USP32: variants seen among roughly 807,000 people sequenced by gnomAD.
USP32 encodes ubiquitin specific peptidase 32.
USP32 carries 59 observed loss-of-function variants against 204.8 expected under a neutral mutation model. The observed-to-expected ratio is 0.29, with a 90% CI of 0.23 to 0.36. The LOEUF is 0.36. USP32 is among the 10% of genes least tolerant of loss of function. The pLI, the probability that USP32 is intolerant of heterozygous loss-of-function variation, is 1.00. For synonymous variants in USP32, 517 were observed against 678.4 expected (o/e 0.76, Z 3.70); for missense variants, 1,160 against 1,946.4 (o/e 0.60, Z 7.60).
intron 2 of USP32, among the ~76,000 whole-genome samples, chr17:60,315,653 AGAAGAAAGGT>A (rs1471008998): frequency 4.6e-5 from 7 of 152,186 alleles, no homozygotes; most frequent in Non-Finnish European, 1.0e-4. Context: ...TATTGACAAT[AGAAGAAAGGT>A]GGAAACAACC....
chr17:60,181,195 CT>C, intron 32 of USP32, 128 bp downstream of exon 32: 1 of 1,255,116 alleles, frequency 8.0e-7, no homozygotes, highest in East Asian at 2.4e-5. Flanking sequence ...TCTGTGTTAA[CT>C]TTGTCTATCA....
chr17:60,188,626 C>A (rs2084304840), intron 29 of USP32, among the ~76,000 whole-genome samples: 1 of 152,070 alleles, frequency 6.6e-6, no homozygotes, highest in Non-Finnish European at 1.5e-5. Context: ...TAATGTGAGA[C>A]AAATATAAGT....
chr17:60,202,216 A>C (rs1276200729), intron 26 of USP32, among the ~76,000 whole-genome samples: 3 of 152,210 alleles, frequency 2.0e-5, no homozygotes, highest in African/African-American at 7.2e-5. Context: ...TCAGGTGTTC[A>C]TACATTTGTG....
intron 9 of USP32, among the ~76,000 whole-genome samples, chr17:60,261,675 C>CA (rs922444561): frequency 2.3e-4 from 35 of 151,116 alleles, no homozygotes; most frequent in East Asian, 5.8e-4. Flanking sequence ...AAAACAAAAA[C>CA]AAAAAAACAA....
At chr17:60,222,625 G>T in intron 14 of USP32, 76 bp from the exon 15 acceptor site, 1 of 1,418,230 alleles carries the variant, frequency 7.1e-7, no homozygotes, top group Non-Finnish European at 9.6e-7. Flanking sequence ...CCTAGAAACA[G>T]GAAAACAAAC....
intron 29 of USP32, 134 bp from the exon 30 acceptor site, chr17:60,185,785 G>T: frequency 9.1e-7 from 1 of 1,100,774 alleles, no homozygotes; most frequent in South Asian, 2.2e-5. Flanking sequence ...CAACTGGCTG[G>T]GTATGGTGGC....
chr17:60,274,107 G>A (rs1054694760), intron 5 of USP32, among the ~76,000 whole-genome samples: 1 of 151,758 alleles, frequency 6.6e-6, no homozygotes, highest in Non-Finnish European at 1.5e-5. Flanking sequence ...GGAAAGAAAT[G>A]GCAACTATAA....
chr17:60,326,940 TAG>T (rs1308025226), intron 2 of USP32, among the ~76,000 whole-genome samples: 1 of 150,524 alleles, frequency 6.6e-6, no homozygotes, highest in Non-Finnish European at 1.5e-5. Flanking sequence ...CTCATAGAAG[TAG>T]AGAGTAGAAT....
chr17:60,216,416 A>G (rs918919199), intron 16 of USP32, among the ~76,000 whole-genome samples: 8 of 152,016 alleles, frequency 5.3e-5, no homozygotes, highest in African/African-American at 1.7e-4. Context: ...ACTTAAAAAT[A>G]TAAACTTATC....
intron 2 of USP32, among the ~76,000 whole-genome samples, chr17:60,319,567 C>G (rs2088063907): frequency 6.6e-6 from 1 of 152,160 alleles, no homozygotes; most frequent in Non-Finnish European, 1.5e-5. Context: ...TGCTTGAGCC[C>G]AGGAGTTTGA....
At chr17:60,391,389 C>T (rs2089830599) in intron 1 of USP32, among the ~76,000 whole-genome samples, 1 of 152,202 alleles carries the variant, frequency 6.6e-6, no homozygotes, top group Non-Finnish European at 1.5e-5. Context: ...TGGGAAAAGG[C>T]AGGGACTCCC....
At chr17:60,212,793 C>G (rs2085004755) in intron 18 of USP32, among the ~76,000 whole-genome samples, 1 of 151,906 alleles carries the variant, frequency 6.6e-6, no homozygotes, top group Non-Finnish European at 1.5e-5. Flanking sequence ...GGCTTTGTCC[C>G]CCCAGGTTGG....
intron 2 of USP32, among the ~76,000 whole-genome samples, chr17:60,311,842 A>C (rs1289375870): frequency 6.6e-6 from 1 of 152,118 alleles, no homozygotes; most frequent in Non-Finnish European, 1.5e-5. Flanking sequence ...AACAAAAAAA[A>C]ACGGTAGATA....
chr17:60,375,604 G>A (rs1238396595), intron 1 of USP32, among the ~76,000 whole-genome samples: 1 of 136,254 alleles, frequency 7.3e-6, no homozygotes, highest in Non-Finnish European at 1.5e-5. Flanking sequence ...TTTTGTTGTT[G>A]TTTGTTTGTT....
upstream of USP32, among the ~76,000 whole-genome samples, chr17:60,393,616 G>C (rs1304034687): frequency 2.0e-5 from 3 of 152,020 alleles, no homozygotes; most frequent in African/African-American, 4.8e-5. Context: ...CCAGGGAAAG[G>C]TTATTAGTTC....
intron 26 of USP32, among the ~76,000 whole-genome samples, chr17:60,203,520 C>T (rs1369354854): frequency 6.6e-6 from 1 of 150,864 alleles, no homozygotes; most frequent in African/African-American, 2.4e-5. Flanking sequence ...TTCGTTTTCT[C>T]TTGTTGCTGC....
intron 5 of USP32, among the ~76,000 whole-genome samples, chr17:60,276,968 A>T (rs1047321968): frequency 4.5e-5 from 6 of 134,348 alleles, no homozygotes; most frequent in African/African-American, 7.4e-5. Flanking sequence ...TATATATATA[A>T]AATTACCAAA....
At chr17:60,414,409 C>A (rs564473460) in intron 1 of USP32, among the ~76,000 whole-genome samples, 1 of 151,454 alleles carries the variant, frequency 6.6e-6, no homozygotes, top group Admixed American at 6.6e-5. Context: ...CTCTAACTTC[C>A]TTGGTGATTG....
intron 2 of USP32, among the ~76,000 whole-genome samples, chr17:60,327,552 G>T (rs1192560669): frequency 2.2e-5 from 3 of 138,722 alleles, no homozygotes; most frequent in Admixed American, 7.6e-5. Context: ...AGAGCAGCAC[G>T]GTTGGGCAGG....
Sources: allele counts gnomAD v4.1 joint callset (sites outside exome capture counted in the v4.1 genomes callset), GRCh38; gene constraint gnomAD v4.1.1; transcripts MANE v1.5; gene names NCBI Gene and HGNC (gene_info 2026-07-23, HGNC 2026-07-21).